Variants in ZSWIM5 observed in about 807,000 individuals in gnomAD.
ZSWIM5 encodes the protein zinc finger SWIM-type containing 5.
A neutral mutation model predicts 119.6 loss-of-function variants in ZSWIM5; 55 were observed. The ratio of observed to expected loss-of-function variants is 0.46; its 90% confidence interval spans 0.37 to 0.58. The LOEUF (loss-of-function observed/expected upper bound fraction) is 0.58, where lower values mean the gene tolerates loss of function less well. ZSWIM5 is among the 20% of genes least tolerant of loss of function. The pLI is 0.00. For missense variants in ZSWIM5, 1,193 were observed against 1,512.8 expected (o/e 0.79, Z 3.51); for synonymous variants, 537 against 606.9 (o/e 0.88, Z 1.69).
chr1:45,142,053 T>C (rs1441732645), intron 1 of ZSWIM5, among the ~76,000 whole-genome samples: 3 of 151,958 alleles, frequency 2.0e-5, no homozygotes, highest in African/African-American at 7.2e-5. Flanking sequence ...TACAAAAACA[T>C]GCAAAAATTA....
chr1:45,133,576 T>C (rs1366065200), intron 1 of ZSWIM5, among the ~76,000 whole-genome samples: 1 of 152,234 alleles, frequency 6.6e-6, no homozygotes, highest in Non-Finnish European at 1.5e-5. Context: ...TTCACTCTGA[T>C]GGTAGTTTCT....
intron 2 of ZSWIM5, among the ~76,000 whole-genome samples, chr1:45,087,615 A>AT (rs1645338930): frequency 1.3e-5 from 2 of 152,362 alleles, no homozygotes; most frequent in East Asian, 3.9e-4. Flanking sequence ...AAAGTCCATA[A>AT]ACTAGACCAA....
chr1:45,070,570 T>C, intron 2 of ZSWIM5: 1 of 456,108 alleles, frequency 2.2e-6, no homozygotes. Flanking sequence ...TATCTAGTTG[T>C]TATTTCATAG....
intron 1 of ZSWIM5, among the ~76,000 whole-genome samples, chr1:45,156,838 A>T (rs1645829763): frequency 6.6e-6 from 1 of 152,108 alleles, no homozygotes; most frequent in Non-Finnish European, 1.5e-5. Flanking sequence ...CTCTATTCAC[A>T]GATAGCATGA....
chr1:45,129,717 G>A (rs180725341), intron 1 of ZSWIM5, among the ~76,000 whole-genome samples: 3 of 151,716 alleles, frequency 2.0e-5, no homozygotes, highest in Non-Finnish European at 2.9e-5. Flanking sequence ...AAATGTCCAC[G>A]GCAAAAAATA....
intron 2 of ZSWIM5, among the ~76,000 whole-genome samples, chr1:45,085,839 C>T (rs955656117): frequency 6.6e-6 from 1 of 152,162 alleles, no homozygotes; most frequent in Non-Finnish European, 1.5e-5. Context: ...CCTTCATCCT[C>T]CTGTCTTCTT....
chr1:45,035,672 G>C lies in ZSWIM5; in HGVS notation c.2291+16C>G, dbSNP rs370874222. ...TGCTTTGGTGGAGGCAATTGGACTG[G>C]GAAAGGGCTACCCACCTCATGGCAC... On this transcript the variant is annotated intron_variant, in intron 10 of 13. Coordinates refer to ENST00000359600, the MANE Select transcript of ZSWIM5 (RefSeq NM_020883.2). The C allele has an allele frequency of 6.2e-7, 1 of 1,611,850 alleles. No homozygotes were observed. The highest frequency in any genetic ancestry group is 8.5e-7 in the Non-Finnish European group (1 of 1,179,522).
chr1:45,029,514 C>T (rs1444916185), intron 11 of ZSWIM5, among the ~76,000 whole-genome samples: 1 of 152,216 alleles, frequency 6.6e-6, no homozygotes, highest in East Asian at 1.9e-4. Context: ...GTGGTGTTGG[C>T]CAGGTTTCGA....
At chr1:45,067,433 C>T (rs1645190179) in intron 2 of ZSWIM5, among the ~76,000 whole-genome samples, 1 of 75,458 alleles carries the variant, frequency 1.3e-5, no homozygotes, top group East Asian at 3.9e-4. Flanking sequence ...GAGTAAGACC[C>T]TGCCTCAAAA....
At chr1:45,199,445 T>C (rs1444349792) in intron 1 of ZSWIM5, among the ~76,000 whole-genome samples, 2 of 152,066 alleles carry the variant, frequency 1.3e-5, no homozygotes, top group African/African-American at 2.4e-5. Flanking sequence ...ACTACAGGCA[T>C]ACGCCACCAC....
At chr1:45,121,315 TC>T (rs1437279486) in intron 1 of ZSWIM5, among the ~76,000 whole-genome samples, 4 of 152,210 alleles carry the variant, frequency 2.6e-5, no homozygotes, top group Admixed American at 2.6e-4. Context: ...TTTTCCTTAT[TC>T]ATTGGCTTCT....
intron 1 of ZSWIM5, among the ~76,000 whole-genome samples, chr1:45,125,913 T>A (rs1645618441): frequency 6.8e-6 from 1 of 147,728 alleles, no homozygotes; most frequent in Non-Finnish European, 1.5e-5. Flanking sequence ...AAAAAAATTT[T>A]AAAAATTAGC....
intron 1 of ZSWIM5, among the ~76,000 whole-genome samples, chr1:45,199,787 T>C (rs1361982911): frequency 1.3e-5 from 2 of 152,198 alleles, no homozygotes; most frequent in African/African-American, 2.4e-5. Flanking sequence ...CAACGTAATG[T>C]AGTCCTTAGT....
intron 1 of ZSWIM5, among the ~76,000 whole-genome samples, chr1:45,111,487 T>C (rs1235881063): frequency 1.3e-5 from 2 of 152,254 alleles, no homozygotes; most frequent in Non-Finnish European, 2.9e-5. Flanking sequence ...ATTTGGTGGA[T>C]TAAAATAACA....
At chr1:45,164,812 T>C (rs1645890445) in intron 1 of ZSWIM5, among the ~76,000 whole-genome samples, 1 of 152,102 alleles carries the variant, frequency 6.6e-6, no homozygotes, top group Non-Finnish European at 1.5e-5. Flanking sequence ...CCCAGATTCA[T>C]AAAGCAAATC....
intron 1 of ZSWIM5, among the ~76,000 whole-genome samples, chr1:45,196,893 G>A (rs1356366471): frequency 6.6e-6 from 1 of 152,140 alleles, no homozygotes; most frequent in Non-Finnish European, 1.5e-5. Flanking sequence ...AATCCTGAGT[G>A]GTTAACTGGG....
chr1:45,199,729 C>G (rs966585070), intron 1 of ZSWIM5, among the ~76,000 whole-genome samples: 4 of 152,164 alleles, frequency 2.6e-5, no homozygotes, highest in East Asian at 1.9e-4. Flanking sequence ...CAGAAACTCT[C>G]AGAGTCAAAT....
chr1:45,125,512 C>T (rs930154518), intron 1 of ZSWIM5, among the ~76,000 whole-genome samples: 4 of 151,990 alleles, frequency 2.6e-5, no homozygotes, highest in Non-Finnish European at 5.9e-5. Flanking sequence ...CAAAAGGCCA[C>T]GCCTATAATC....
Position 45,173,687 on chromosome 1 carries a change from A to C in ZSWIM5, c.595+32069T>G, listed in dbSNP as rs191109525. 1.5e-4 allele frequency among the ~76,000 whole-genome samples: 23 copies of C among 152,270 alleles called. No individual in the cohort carries two copies. In the East Asian group the frequency reaches 4.2e-3, roughly 28 times the overall value. ...TAAAATTGGGATAATAATAGTACAT[A>C]CCTCAAAAGAATATTATATGGATTA... On this transcript the variant is annotated intron_variant, in intron 1 of 13. Transcript: ENST00000359600.
Sources: allele counts gnomAD v4.1 joint callset (sites outside exome capture counted in the v4.1 genomes callset), GRCh38; gene constraint gnomAD v4.1.1; transcripts MANE v1.5; gene names NCBI Gene and HGNC (gene_info 2026-07-23, HGNC 2026-07-21).